Variants in FOXP2 observed in about 807,000 individuals in gnomAD.
FOXP2 encodes the protein forkhead box P2.
FOXP2 carries 12 observed loss-of-function variants against 115.8 expected under a neutral mutation model. The observed-to-expected ratio is 0.10, with a 90% confidence interval of 0.07 to 0.17. FOXP2 has a LOEUF of 0.17. Ranked by LOEUF, FOXP2 falls within the 10% of genes least tolerant of loss-of-function variation. The probability of loss-of-function intolerance (pLI) is 1.00; values close to 1 mark genes in which losing one functional copy is unlikely to be tolerated. For missense variants in FOXP2, 629 were observed against 843.5 expected (o/e 0.75, Z 3.15); for synonymous variants, 328 against 297.7 (o/e 1.10, Z -1.05).
chr7:114,492,921 A>G (rs1797134363), intron 2 of FOXP2, among the ~76,000 whole-genome samples: 1 of 152,144 alleles, frequency 6.6e-6, no homozygotes, highest in Admixed American at 6.6e-5. Flanking sequence ...GTAGATGTCT[A>G]TTAAGTCCGC....
intron 2 of FOXP2, among the ~76,000 whole-genome samples, chr7:114,352,447 A>C (rs1791516441): frequency 6.6e-6 from 1 of 152,172 alleles, no homozygotes; most frequent in African/African-American, 2.4e-5. Context: ...CAACAGTATA[A>C]ATTCCTGTAT....
At chr7:114,162,964 C>T (rs2129150966), upstream of FOXP2, 1 of 152,032 alleles carries the variant, frequency 6.6e-6, no homozygotes, top group African/African-American at 2.4e-5. Context: ...TAATAGAAGT[C>T]TGTTGAAGCT....
chr7:114,396,685 G>C (rs1264147637), intron 2 of FOXP2, among the ~76,000 whole-genome samples: 2 of 151,962 alleles, frequency 1.3e-5, no homozygotes, highest in Non-Finnish European at 2.9e-5. Flanking sequence ...TGGTGGTGGT[G>C]GTGGGGTTGG....
intron 1 of FOXP2, among the ~76,000 whole-genome samples, chr7:114,211,819 T>C (rs1388256698): frequency 6.6e-6 from 1 of 152,152 alleles, no homozygotes; most frequent in Non-Finnish European, 1.5e-5. Flanking sequence ...ACGCCTGTAA[T>C]CCCAGCACTT....
At chr7:114,402,921 C>A (rs1792923642) in intron 2 of FOXP2, among the ~76,000 whole-genome samples, 1 of 152,096 alleles carries the variant, frequency 6.6e-6, no homozygotes, top group South Asian at 2.1e-4. Context: ...TGCTGCATTG[C>A]AGGCAGGAGC....
At chr7:114,516,267 C>A (rs890521121) in intron 2 of FOXP2, among the ~76,000 whole-genome samples, 1 of 152,124 alleles carries the variant, frequency 6.6e-6, no homozygotes, top group African/African-American at 2.4e-5. Flanking sequence ...ATATCTACAA[C>A]CATCTGATCT....
At chr7:114,240,410 C>A (rs534781487) in intron 1 of FOXP2, among the ~76,000 whole-genome samples, 55 of 152,140 alleles carry the variant, frequency 3.6e-4, no homozygotes, top group African/African-American at 1.2e-3. Context: ...CAATATAGAA[C>A]AATAAATTCA....
In FOXP2 at chr7:114,213,495, T is replaced by C. The variant is rs368556150; in HGVS notation, c.-102+50407T>C. ...ATGTCAGTTGACATAATCTTGATTC[T>C]TATTTGACCTACATAATTTGTAAAC... On this transcript the variant is annotated intron_variant, in intron 1 of 17. Transcript: ENST00000634411. 9.8e-5 allele frequency among the ~76,000 whole-genome samples: 15 copies of C among 152,364 alleles called. No individual in the cohort carries two copies. The East Asian group carries it at 2.9e-3, about 29-fold the overall frequency.
chr7:114,185,920 T>A (rs908876610), intron 1 of FOXP2, among the ~76,000 whole-genome samples: 7 of 152,094 alleles, frequency 4.6e-5, no homozygotes, highest in African/African-American at 1.7e-4. Flanking sequence ...GCCTGGGAAA[T>A]ACACTATCAA....
intron 1 of FOXP2, among the ~76,000 whole-genome samples, chr7:114,156,283 G>GGTGT (rs142795916): frequency 1.3e-5 from 2 of 151,880 alleles, no homozygotes; most frequent in African/African-American, 4.8e-5. Context: ...TGACATTTTT[G>GGTGT]GTGTGTGTGT....
At chr7:114,249,136 A>G (rs1292203030) in intron 1 of FOXP2, among the ~76,000 whole-genome samples, 2 of 152,182 alleles carry the variant, frequency 1.3e-5, no homozygotes, top group Non-Finnish European at 2.9e-5. Context: ...AGTAAGGGGG[A>G]AAAGTAATGC....
At chr7:114,414,427 C>G (rs1005995328), upstream of FOXP2, 1 of 152,528 alleles carries the variant, frequency 6.6e-6, no homozygotes, top group African/African-American at 2.4e-5. Flanking sequence ...ACACCATTAG[C>G]TGAAAATTTT....
At chr7:114,538,529 A>G in intron 3 of FOXP2, 2 of 428,508 alleles carry the variant, frequency 4.7e-6, no homozygotes, top group South Asian at 4.6e-5. Flanking sequence ...TGTCTTAAGA[A>G]GTTCAAGAAT....
At chr7:114,306,790 T>G (rs1324071870) in intron 2 of FOXP2, among the ~76,000 whole-genome samples, 1 of 152,074 alleles carries the variant, frequency 6.6e-6, no homozygotes. Context: ...ATTTCTAGCC[T>G]TTTCCAGCTT....
intron 3 of FOXP2, among the ~76,000 whole-genome samples, chr7:114,617,190 A>T (rs1170172978): frequency 6.6e-6 from 1 of 152,266 alleles, no homozygotes; most frequent in Non-Finnish European, 1.5e-5. Flanking sequence ...CATACCAAGC[A>T]TGCTGAGAAC....
At chr7:114,329,355 T>TA (rs1366978594) in intron 2 of FOXP2, among the ~76,000 whole-genome samples, 3 of 151,634 alleles carry the variant, frequency 2.0e-5, no homozygotes, top group Non-Finnish European at 2.9e-5. Context: ...TGGTCTCTAC[T>TA]AAAAATAGAA....
intron 2 of FOXP2, among the ~76,000 whole-genome samples, chr7:114,388,971 T>A (rs780592554): frequency 6.6e-6 from 1 of 152,346 alleles, no homozygotes; most frequent in African/African-American, 2.4e-5. Context: ...ATATTACTGA[T>A]GATATTAGAG....
intron 2 of FOXP2, among the ~76,000 whole-genome samples, chr7:114,456,612 C>T (rs1030573795): frequency 2.1e-4 from 32 of 152,128 alleles, no homozygotes; most frequent in African/African-American, 7.2e-4. Context: ...AAATAGACTA[C>T]CTCTAAGAAT....
intron 1 of FOXP2, among the ~76,000 whole-genome samples, chr7:114,282,141 A>G (rs1796354513): frequency 6.6e-6 from 1 of 152,190 alleles, no homozygotes; most frequent in African/African-American, 2.4e-5. Context: ...TGAGAAACTC[A>G]TGGAATAAAT....
Sources: allele counts gnomAD v4.1 joint callset (sites outside exome capture counted in the v4.1 genomes callset), GRCh38; gene constraint gnomAD v4.1.1; transcripts MANE v1.5; gene names NCBI Gene and HGNC (gene_info 2026-07-23, HGNC 2026-07-21).